Variants in SKAP1 observed in about 807,000 individuals in gnomAD.
The protein encoded by SKAP1 is src kinase-associated phosphoprotein 1.
In SKAP1, 44 loss-of-function variants were observed where a neutral mutation model predicts 58.5. The observed-to-expected ratio is 0.75, with a 90% CI of 0.59 to 0.97. The LOEUF is 0.97. SKAP1 is among the 50% of genes least tolerant of loss of function. The pLI is 0.00. For missense variants in SKAP1, 390 were observed against 435.2 expected (o/e 0.90, Z 0.92); for synonymous variants, 127 against 149.7 (o/e 0.85, Z 1.11).
At chr17:48,319,416 C>A (rs145242009) in intron 4 of SKAP1, among the ~76,000 whole-genome samples, 1 of 152,082 alleles carries the variant, frequency 6.6e-6, no homozygotes, top group Non-Finnish European at 1.5e-5. Context: ...TTGGAGAAGA[C>A]TTTTTCAACT....
chr17:48,357,691 T>C (rs1300074189), intron 3 of SKAP1, among the ~76,000 whole-genome samples: 1 of 152,176 alleles, frequency 6.6e-6, no homozygotes, highest in Admixed American at 6.5e-5. Context: ...GCATTAATTT[T>C]GAAATGCATT....
In SKAP1 at chr17:48,420,726, C is replaced by T. The variant is rs538371135; in HGVS notation, c.46+9349G>A. Among the ~76,000 whole-genome samples, 10 of 152,260 alleles carry T rather than the reference C, an allele frequency of 6.6e-5. No individual in the cohort carries two copies. The East Asian group carries it at 1.9e-3, about 29-fold the overall frequency. On this transcript the variant is annotated intron_variant, in intron 1 of 12. Transcript: ENST00000336915. ...CTCATAGGGACTTCATGTGAATAGG[C>T]TTTTGTGGAAATTGAGAAGGAAAAC...
chr17:48,269,360 G>T (rs572264779), intron 4 of SKAP1, among the ~76,000 whole-genome samples: 1 of 152,102 alleles, frequency 6.6e-6, no homozygotes, highest in South Asian at 2.1e-4. Context: ...TCTACACCAG[G>T]ACTAGAGATC....
At chr17:48,195,521 TC>T (rs1357176573) in intron 4 of SKAP1, among the ~76,000 whole-genome samples, 2 of 152,184 alleles carry the variant, frequency 1.3e-5, no homozygotes, top group Non-Finnish European at 2.9e-5. Context: ...AGATTTAGCA[TC>T]TAAAATTTCA....
chr17:48,432,582 C>T (rs2067925717), upstream of SKAP1, among the ~76,000 whole-genome samples: 1 of 152,096 alleles, frequency 6.6e-6, no homozygotes, highest in South Asian at 2.1e-4. Flanking sequence ...TTTTGAAGTA[C>T]TTATGAGGCA....
intron 4 of SKAP1, among the ~76,000 whole-genome samples, chr17:48,263,987 C>T (rs2065513234): frequency 6.6e-6 from 1 of 151,886 alleles, no homozygotes; most frequent in Non-Finnish European, 1.5e-5. Context: ...TCTAAACCAG[C>T]CGCAACCCTT....
At chr17:48,328,402 T>A (rs1417460745) in intron 4 of SKAP1, among the ~76,000 whole-genome samples, 2 of 152,126 alleles carry the variant, frequency 1.3e-5, no homozygotes, top group Non-Finnish European at 2.9e-5. Flanking sequence ...CTATATGACT[T>A]AATGAATACT....
chr17:48,342,890 C>A (rs1405318127), intron 4 of SKAP1, among the ~76,000 whole-genome samples: 3 of 152,044 alleles, frequency 2.0e-5, no homozygotes, highest in Non-Finnish European at 4.4e-5. Context: ...GAGGCTGAGG[C>A]AGGAGAATGG....
intron 4 of SKAP1, among the ~76,000 whole-genome samples, chr17:48,273,887 A>G (rs926265061): frequency 1.3e-5 from 2 of 151,898 alleles, no homozygotes; most frequent in Admixed American, 1.3e-4. Flanking sequence ...AGGAATCTCC[A>G]GGTTTAAGAA....
At chr17:48,232,084 G>T (rs182136630) in intron 4 of SKAP1, among the ~76,000 whole-genome samples, 107 of 151,662 alleles carry the variant, frequency 7.1e-4, no homozygotes, top group African/African-American at 2.5e-3. Context: ...AACCACATAG[G>T]TGCCTCTTAG....
intron 4 of SKAP1, among the ~76,000 whole-genome samples, chr17:48,301,057 G>C (rs1399084427): frequency 6.6e-6 from 1 of 151,968 alleles, no homozygotes; most frequent in Non-Finnish European, 1.5e-5. Context: ...TCATATGCTG[G>C]AAAATCAGCT....
chr17:48,312,719 A>C (rs888326346), intron 4 of SKAP1, among the ~76,000 whole-genome samples: 1 of 152,218 alleles, frequency 6.6e-6, no homozygotes, highest in Non-Finnish European at 1.5e-5. Context: ...TGAATTCAGG[A>C]AAAGAGAGTG....
At chr17:48,182,093 C>T (rs2064377005) in intron 8 of SKAP1, among the ~76,000 whole-genome samples, 1 of 152,006 alleles carries the variant, frequency 6.6e-6, no homozygotes, top group Non-Finnish European at 1.5e-5. Context: ...GGTTAGGAGA[C>T]ACCGAATTGG....
intron 11 of SKAP1, among the ~76,000 whole-genome samples, chr17:48,156,956 T>C (rs1226067798): frequency 1.3e-5 from 2 of 152,194 alleles, no homozygotes; most frequent in African/African-American, 2.4e-5. Flanking sequence ...GAACTCCTAG[T>C]ATGTGCCCAA....
intron 8 of SKAP1, 115 bp downstream of exon 8, chr17:48,182,279 G>A: frequency 1.4e-6 from 1 of 706,136 alleles, no homozygotes; most frequent in Non-Finnish European, 2.5e-6. Context: ...GGTAGGAAAG[G>A]TAGAGGTGAG....
chr17:48,201,199 G>C (rs1598422386), intron 4 of SKAP1, among the ~76,000 whole-genome samples: 1 of 152,098 alleles, frequency 6.6e-6, no homozygotes, highest in African/African-American at 2.4e-5. Context: ...AAGGATTTTG[G>C]AGAAAAAATT....
intron 4 of SKAP1, among the ~76,000 whole-genome samples, chr17:48,337,619 TC>T (rs2066591465): frequency 6.6e-6 from 1 of 152,226 alleles, no homozygotes; most frequent in South Asian, 2.1e-4. Flanking sequence ...CTATGTCAAA[TC>T]AATTCAGGGG....
At chr17:48,344,725 G>C (rs1347918052) in intron 4 of SKAP1, among the ~76,000 whole-genome samples, 1 of 152,016 alleles carries the variant, frequency 6.6e-6, no homozygotes, top group African/African-American at 2.4e-5. Flanking sequence ...TAAAACTTGG[G>C]TATTACTAAT....
chr17:48,167,575 T>C (rs767950964), intron 10 of SKAP1, among the ~76,000 whole-genome samples: 1 of 152,192 alleles, frequency 6.6e-6, no homozygotes, highest in Admixed American at 6.5e-5. Context: ...AACCATTTTT[T>C]GGCCCTCCTA....
Sources: gnomAD v4.1 joint callset for allele counts (sites outside exome capture counted in the v4.1 genomes callset) on GRCh38, gnomAD v4.1.1 for gene constraint, MANE v1.5 for transcripts, NCBI Gene and HGNC (gene_info 2026-07-23, HGNC 2026-07-21) for gene names.